The following WIPF3 variants were observed in gnomAD, a reference collection of about 807,000 sequenced individuals.
WIPF3 encodes the protein WAS/WASL interacting protein family member 3, also known as WAS/WASL-interacting protein family member 3.
In WIPF3, 33 loss-of-function variants were observed where a neutral mutation model predicts 38.9. That is an observed-to-expected ratio of 0.85 (90% CI 0.64 to 1.14). The LOEUF is 1.14. Among genes scored for constraint, WIPF3 ranks in the 50% most tolerant of loss-of-function variants. The pLI is 0.00. For synonymous variants in WIPF3, 324 were observed against 269.3 expected (o/e 1.20, Z -1.99); for missense variants, 711 against 652.5 (o/e 1.09, Z -0.98).
Position 29,914,537 on chromosome 7 carries a change from TC to T in WIPF3, c.*23del. On this transcript the variant is annotated 3_prime_UTR_variant, in exon 9 of 9. Transcript: ENST00000242140. The stretch of plus-strand genomic sequence containing the variant: ...GGTGAGAAGACAGATGAAGCGAAGG[TC>T]CTGGGGTTCCAGGTTGCAGAACAAC... 1 of 1,505,442 alleles carries T rather than the reference TC, an allele frequency of 6.6e-7. No homozygotes were observed. The highest frequency in any genetic ancestry group is 8.9e-7 in the Non-Finnish European group (1 of 1,124,418). The allele number at this position is 1,505,442 out of a possible 1,614,324, so 93.3% of individuals were successfully genotyped here. A position where few individuals can be genotyped will look rare whatever the true frequency, so the allele number is the denominator to read the frequency against.
intron 2 of WIPF3, among the ~76,000 whole-genome samples, chr7:29,852,905 A>G (rs571246071): frequency 6.6e-6 from 1 of 152,348 alleles, no homozygotes; most frequent in Admixed American, 6.5e-5. Context: ...GTAATCCTCT[A>G]ACATTTTGCT....
intron 1 of WIPF3, among the ~76,000 whole-genome samples, chr7:29,816,851 T>C (rs1784465256): frequency 1.3e-5 from 2 of 152,352 alleles, no homozygotes; most frequent in South Asian, 2.1e-4. Flanking sequence ...GTTTTGTCAC[T>C]GTACAAATTA....
chr7:29,899,344 C>T (rs148895815), intron 7 of WIPF3, among the ~76,000 whole-genome samples: 2 of 152,328 alleles, frequency 1.3e-5, no homozygotes, highest in East Asian at 1.9e-4. Context: ...CTCTTCCTGC[C>T]CTATCACTTT....
intron 1 of WIPF3, among the ~76,000 whole-genome samples, chr7:29,819,188 C>A (rs1287726139): frequency 6.6e-6 from 1 of 152,020 alleles, no homozygotes; most frequent in African/African-American, 2.4e-5. Flanking sequence ...GGATCTTTGA[C>A]AACTTTCACT....
intron 2 of WIPF3, among the ~76,000 whole-genome samples, chr7:29,855,534 A>C (rs1411184452): frequency 6.6e-6 from 1 of 152,202 alleles, no homozygotes; most frequent in African/African-American, 2.4e-5. Flanking sequence ...CAGTAATCAC[A>C]AAGTGAATTG....
chr7:29,856,295 G>A (rs537990492), intron 2 of WIPF3, among the ~76,000 whole-genome samples: 11 of 151,978 alleles, frequency 7.2e-5, no homozygotes, highest in African/African-American at 1.9e-4. Flanking sequence ...TATTTAATAC[G>A]TACTTTAAGT....
chr7:29,909,482 C>A (rs1230194547), intron 8 of WIPF3, among the ~76,000 whole-genome samples: 1 of 152,048 alleles, frequency 6.6e-6, no homozygotes, highest in African/African-American at 2.4e-5. Flanking sequence ...ACTAATCCAA[C>A]TGAAATAAAA....
At chr7:29,834,606 C>A in intron 1 of WIPF3, 62 bp from the exon 2 acceptor site, 1 of 1,315,110 alleles carries the variant, frequency 7.6e-7, no homozygotes, top group Non-Finnish European at 1.0e-6. Flanking sequence ...CTGCAAGATA[C>A]ACATTTCCTG....
intron 2 of WIPF3, among the ~76,000 whole-genome samples, chr7:29,870,025 G>C (rs1785467536): frequency 6.6e-6 from 1 of 152,190 alleles, no homozygotes; most frequent in South Asian, 2.1e-4. Context: ...CTGGGTAGTA[G>C]ATGCTCTGCT....
intron 1 of WIPF3, among the ~76,000 whole-genome samples, chr7:29,829,027 A>G (rs1211490101): frequency 6.6e-6 from 1 of 151,534 alleles, no homozygotes; most frequent in Admixed American, 6.6e-5. Flanking sequence ...CCACTTCCAA[A>G]TCTCTGATTA....
chr7:29,837,941 C>T (rs571512682), intron 2 of WIPF3, among the ~76,000 whole-genome samples: 7 of 152,328 alleles, frequency 4.6e-5, no homozygotes, highest in East Asian at 1.9e-4. Flanking sequence ...GTTATTGAGA[C>T]GGAGTCTTGC....
intron 2 of WIPF3, among the ~76,000 whole-genome samples, chr7:29,840,056 T>G (rs1473235622): frequency 6.6e-6 from 1 of 152,234 alleles, no homozygotes; most frequent in Non-Finnish European, 1.5e-5. Flanking sequence ...CCTAAAATAT[T>G]TACAGCCTGG....
At position 29,884,264 on chromosome 7, in the gene WIPF3, T is replaced by TTCCCCCCCCCCCCCCCC; in HGVS notation, c.770_771insTCCCCCCCCCCCCCCCC (p.Ile260ProfsTer120). ...AAGCCTCAGCTGGCTCCCTTGCACC[T>TTCCCCCCCCCCCCCCCC]CCCGCCCATCCCGCCCCCGCTCCCT... is the stretch of plus-strand genomic sequence containing the variant. On this transcript the variant is annotated frameshift_variant, in exon 5 of 9. Coordinates refer to ENST00000242140, the MANE Select transcript of WIPF3 (RefSeq NM_001080529.3). LOFTEE classifies it high-confidence loss of function. The TTCCCCCCCCCCCCCCCC allele has an allele frequency of 7.6e-7, 1 of 1,315,282 alleles. No individual in the cohort carries two copies. The highest frequency in any genetic ancestry group is 1.0e-6 in the Non-Finnish European group (1 of 992,706). 81.5% of individuals were successfully genotyped at this position (1,315,282 alleles called of 1,614,324 possible).
At chr7:29,914,351 C>G (rs1786562486) in intron 8 of WIPF3, 142 bp from the exon 9 acceptor site, 1 of 560,456 alleles carries the variant, frequency 1.8e-6, no homozygotes, top group South Asian at 5.0e-5. Context: ...CAGCTCTTTG[C>G]ATAGGCATCT....
Position 29,884,383 on chromosome 7 carries a change from C to T in WIPF3, c.889C>T (p.Pro297Ser), listed in dbSNP as rs1323971429. The part of the protein sequence containing the change: ...QEPPAPPPPL[P>S]PYASCSPRAS... Reference sequence around the variant, plus strand: ...GCCTCCCGCCCCGCCGCCCCCGCTCCCCCCTTATGCTTCTTGCTCCCCGAG... The same window carrying T: ...GCCTCCCGCCCCGCCGCCCCCGCTCTCCCCTTATGCTTCTTGCTCCCCGAG... The change falls in exon 5 of 9, where the codon CCC (proline) becomes TCC (serine). Residue 297 changes from proline to serine, a missense_variant. Pro to Ser is a moderately conservative substitution (Grantham distance 74). Coordinates refer to ENST00000242140, the MANE Select transcript of WIPF3 (RefSeq NM_001080529.3). 7.0e-7 allele frequency: 1 copy of T among 1,429,670 alleles called. No individual in the cohort carries two copies. Among genetic ancestry groups the T allele is most frequent in the Non-Finnish European group, 9.3e-7 (1 of 1,077,942 alleles). 88.6% of individuals were successfully genotyped at this position (1,429,670 alleles called of 1,614,324 possible).
chr7:29,884,127 C>A lies in WIPF3; in HGVS notation c.633C>A (p.Asn211Lys). ...CACCCGGCCCACTGACCAAAGGGAA[C>A]CTCCCGGTGGTTGCACCCCCCGTCC... Reference protein sequence around the residue: ...VSPPGPLTKGNLPVVAPPVPC... With the variant: ...VSPPGPLTKGKLPVVAPPVPC... The change falls in exon 5 of 9, where the codon AAC (asparagine) becomes AAA (lysine). Residue 211 changes from asparagine (N) to lysine (K), a missense_variant. Physicochemically the swap from Asn to Lys is moderately conservative, Grantham distance 94 (BLOSUM62 0). Coordinates refer to ENST00000242140, the MANE Select transcript of WIPF3 (RefSeq NM_001080529.3). 6.5e-7 allele frequency: 1 copy of A among 1,532,286 alleles called. No homozygotes were observed. The allele number at this position is 1,532,286 out of a possible 1,614,324, so 94.9% of individuals were successfully genotyped here.
chr7:29,808,530 A>C (rs1292150816), intron 1 of WIPF3, among the ~76,000 whole-genome samples: 2 of 152,228 alleles, frequency 1.3e-5, no homozygotes, highest in Non-Finnish European at 2.9e-5. Context: ...ATTTGTGGCC[A>C]CCTGAATCGG....
At chr7:29,894,480 A>T (rs1035243463) in intron 7 of WIPF3, among the ~76,000 whole-genome samples, 1 of 152,224 alleles carries the variant, frequency 6.6e-6, no homozygotes. Flanking sequence ...GAAGTACTCC[A>T]CTAGCCTCCC....
At chr7:29,811,418 G>A (rs2128061020) in intron 1 of WIPF3, among the ~76,000 whole-genome samples, 2 of 152,256 alleles carry the variant, frequency 1.3e-5, no homozygotes, top group Middle Eastern at 6.8e-3. Flanking sequence ...GAACACACGG[G>A]TTAGAAAGTG....
Sources: allele counts gnomAD v4.1 joint callset (sites outside exome capture counted in the v4.1 genomes callset), GRCh38; gene constraint gnomAD v4.1.1; transcripts MANE v1.5; gene names NCBI Gene and HGNC (gene_info 2026-07-23, HGNC 2026-07-21).